Variants in TMTC2 observed in about 807,000 individuals in gnomAD.
TMTC2 encodes transmembrane O-mannosyltransferase targeting cadherins 2.
A neutral mutation model predicts 82.4 loss-of-function variants in TMTC2; 43 were observed. That is an observed-to-expected ratio of 0.52 (90% CI 0.41 to 0.67). The LOEUF (loss-of-function observed/expected upper bound fraction) is 0.67, where lower values mean the gene tolerates loss of function less well. Among genes scored for constraint, TMTC2 ranks in the 30% least tolerant of loss-of-function variants. TMTC2 has a pLI of 0.00. For synonymous variants in TMTC2, 408 were observed against 381.9 expected, an observed-to-expected ratio of 1.07 and a Z score of -0.80; for missense variants, 919 against 1,012.4, an observed-to-expected ratio of 0.91 and a Z score of 1.25.
chr12:82,699,952 A>C (rs1175805724), intron 1 of TMTC2, among the ~76,000 whole-genome samples: 1 of 152,182 alleles, frequency 6.6e-6, no homozygotes, highest in African/African-American at 2.4e-5. Flanking sequence ...TTTTCTAAAT[A>C]TAGGATGACT....
chr12:82,729,092 G>A (rs536366781), intron 1 of TMTC2, among the ~76,000 whole-genome samples: 1 of 152,372 alleles, frequency 6.6e-6, no homozygotes, highest in South Asian at 2.1e-4. Context: ...GACCACCCAA[G>A]GGCTGAGGAG....
intron 1 of TMTC2, among the ~76,000 whole-genome samples, chr12:82,720,366 T>C (rs948175389): frequency 6.6e-6 from 1 of 152,210 alleles, no homozygotes; most frequent in African/African-American, 2.4e-5. Context: ...ATTTATAAGG[T>C]TTATCATGTT....
chr12:82,927,249 T>G (rs1875772526), intron 3 of TMTC2, among the ~76,000 whole-genome samples: 1 of 152,214 alleles, frequency 6.6e-6, no homozygotes, highest in South Asian at 2.1e-4. Context: ...TTGGAAGAAG[T>G]TGATTCCAAT....
intron 1 of TMTC2, among the ~76,000 whole-genome samples, chr12:82,791,775 C>A (rs1878481735): frequency 6.6e-6 from 1 of 152,076 alleles, no homozygotes; most frequent in East Asian, 1.9e-4. Flanking sequence ...CTTTAGGAAA[C>A]CTGCCAGTGA....
intron 3 of TMTC2, among the ~76,000 whole-genome samples, chr12:82,902,486 A>G (rs1159029065): frequency 6.6e-6 from 1 of 152,156 alleles, no homozygotes; most frequent in Non-Finnish European, 1.5e-5. Flanking sequence ...AAGACAAGTT[A>G]TTGATTTTCA....
intron 11 of TMTC2, among the ~76,000 whole-genome samples, chr12:83,071,563 A>G (rs1285533530): frequency 6.6e-6 from 1 of 152,248 alleles, no homozygotes; most frequent in Non-Finnish European, 1.5e-5. Context: ...AATAGTTTCA[A>G]AAGGATTGGT....
chr12:82,981,124 G>A (rs1466552047), intron 7 of TMTC2, among the ~76,000 whole-genome samples: 3 of 151,782 alleles, frequency 2.0e-5, no homozygotes, highest in Non-Finnish European at 2.9e-5. Context: ...TTTTAAGAAG[G>A]CATTTAACAA....
At chr12:82,894,891 C>T (rs2137177726) in intron 2 of TMTC2, among the ~76,000 whole-genome samples, 1 of 152,092 alleles carries the variant, frequency 6.6e-6, no homozygotes, top group Non-Finnish European at 1.5e-5. Context: ...CATGTTTCTC[C>T]TAGGTTCAAG....
At chr12:82,707,616 C>A (rs1029371789) in intron 1 of TMTC2, among the ~76,000 whole-genome samples, 1 of 152,204 alleles carries the variant, frequency 6.6e-6, no homozygotes, top group African/African-American at 2.4e-5. Flanking sequence ...TTTAGGTATC[C>A]TGACTTGGGG....
intron 1 of TMTC2, among the ~76,000 whole-genome samples, chr12:82,816,165 T>A (rs1484078590): frequency 1.3e-5 from 2 of 151,438 alleles, no homozygotes; most frequent in Non-Finnish European, 2.9e-5. Context: ...TTTTTCTAAT[T>A]CTTCAGTTTA....
chr12:82,783,744 AT>A (rs768167822), intron 1 of TMTC2, among the ~76,000 whole-genome samples: 4 of 151,920 alleles, frequency 2.6e-5, no homozygotes, highest in Non-Finnish European at 4.4e-5. Context: ...CAAGGGGGTG[AT>A]TTTTTTCTCA....
At chr12:82,904,691 G>A (rs550944390) in intron 3 of TMTC2, among the ~76,000 whole-genome samples, 1 of 152,262 alleles carries the variant, frequency 6.6e-6, no homozygotes, top group East Asian at 1.9e-4. Context: ...TCCCCCGTTC[G>A]CCTTTAAAGC....
At chr12:83,045,075 A>G (rs1565867057) in intron 9 of TMTC2, among the ~76,000 whole-genome samples, 1 of 152,202 alleles carries the variant, frequency 6.6e-6, no homozygotes. Flanking sequence ...TGGTTCAGTG[A>G]GAGAATTGTC....
rs542189432 is a variant in TMTC2, at chr12:82,791,148, T to C, written c.84-65862T>C. On this transcript the variant is annotated intron_variant, in intron 1 of 11. Transcript: ENST00000321196. ...CTTCTCCTCTAATCAGTCACTACTT[T>C]GAGAAAAATTATATTCCCATACTAT... is the stretch of plus-strand genomic sequence containing the variant. Among the ~76,000 whole-genome samples the C allele has an allele frequency of 4.6e-5, 7 of 152,244 alleles. No homozygotes were observed. The South Asian group carries it at 6.2e-4, about 14-fold the overall frequency.
chr12:82,769,785 A>G (rs574511769), intron 1 of TMTC2, among the ~76,000 whole-genome samples: 1 of 151,902 alleles, frequency 6.6e-6, no homozygotes, highest in African/African-American at 2.4e-5. Context: ...TAATTTTTGT[A>G]TTTTTAGTAG....
chr12:83,133,396 G>A lies in TMTC2; in HGVS notation c.*1007G>A, dbSNP rs1312463125. ...ATGCTTGCCAGTGATTTTGTGTTTTGGAAAGGGTAGGTATCGAATGTTAAT... is the reference window on the plus strand; with the variant it reads ...ATGCTTGCCAGTGATTTTGTGTTTTAGAAAGGGTAGGTATCGAATGTTAAT... On this transcript the variant is annotated 3_prime_UTR_variant, in exon 12 of 12. Coordinates refer to ENST00000321196, the MANE Select transcript of TMTC2 (RefSeq NM_152588.3). 2 of 152,130 alleles carry A rather than the reference G, an allele frequency of 1.3e-5. No homozygotes were observed. The highest frequency in any genetic ancestry group is 3.9e-4 in the East Asian group (2 of 5,172). 9.4% of individuals were successfully genotyped at this position (152,130 alleles called of 1,614,324 possible). A position where few individuals can be genotyped will look rare whatever the true frequency, so the allele number is the denominator to read the frequency against.
At chr12:82,815,287 A>T (rs964825817) in intron 1 of TMTC2, among the ~76,000 whole-genome samples, 3 of 144,098 alleles carry the variant, frequency 2.1e-5, no homozygotes, top group Admixed American at 1.4e-4. Context: ...TTGCGCATTT[A>T]TTTTTTTTAA....
chr12:82,932,232 C>A (rs1223817464), intron 4 of TMTC2, among the ~76,000 whole-genome samples: 1 of 152,248 alleles, frequency 6.6e-6, no homozygotes, highest in African/African-American at 2.4e-5. Flanking sequence ...TTTGTTCATA[C>A]GTTGACTTCG....
intron 11 of TMTC2, among the ~76,000 whole-genome samples, chr12:83,095,251 G>GT (rs1883986562): frequency 7.9e-6 from 1 of 126,360 alleles, no homozygotes; most frequent in Non-Finnish European, 1.7e-5. Flanking sequence ...TGTTTTTTTT[G>GT]TTTTTTTGAG....
Sources: gnomAD v4.1 joint callset for allele counts (sites outside exome capture counted in the v4.1 genomes callset) on GRCh38, gnomAD v4.1.1 for gene constraint, MANE v1.5 for transcripts, NCBI Gene and HGNC (gene_info 2026-07-23, HGNC 2026-07-21) for gene names.